CDH18: variants seen among roughly 807,000 people sequenced by gnomAD.
CDH18 encodes cadherin 18.
A neutral mutation model predicts 67.9 loss-of-function variants in CDH18; 31 were observed. That is an observed-to-expected ratio of 0.46 (90% CI 0.34 to 0.62). CDH18 has a LOEUF of 0.62. Among genes scored for constraint, CDH18 ranks in the 20% least tolerant of loss-of-function variants. CDH18 has a pLI of 0.01. For missense variants in CDH18, 890 were observed against 975.5 expected (o/e 0.91, Z 1.17); for synonymous variants, 362 against 347.2 (o/e 1.04, Z -0.48).
chr5:20,415,390 A>C (rs1033313657), intron 1 of CDH18, among the ~76,000 whole-genome samples: 1 of 152,034 alleles, frequency 6.6e-6, no homozygotes, highest in African/African-American at 2.4e-5. Context: ...AACCAGATGA[A>C]TGAAAAAAGA....
At chr5:20,379,701 T>G (rs533282206) in intron 1 of CDH18, among the ~76,000 whole-genome samples, 18 of 152,060 alleles carry the variant, frequency 1.2e-4, no homozygotes, top group Non-Finnish European at 2.1e-4. Flanking sequence ...AGGATTTTAT[T>G]TTGAAGGACA....
chr5:20,350,164 A>AT (rs1467990017), intron 1 of CDH18, among the ~76,000 whole-genome samples: 33 of 151,748 alleles, frequency 2.2e-4, no homozygotes, highest in African/African-American at 7.8e-4. Flanking sequence ...TTCTTACATT[A>AT]CAAAAAAATT....
At chr5:20,318,766 A>T (rs10045914) in intron 1 of CDH18, among the ~76,000 whole-genome samples, 123,681 of 152,094 alleles carry the variant, frequency 0.81, 50,594 homozygotes, top group African/African-American at 0.9. Context: ...TTCTTTTTTT[A>T]AAAAATTATA....
At chr5:20,007,715 G>C (rs1029165875) in intron 2 of CDH18, among the ~76,000 whole-genome samples, 1 of 145,140 alleles carries the variant, frequency 6.9e-6, no homozygotes, top group African/African-American at 2.7e-5. Flanking sequence ...GTGTGTGTGT[G>C]TCATAAGTCA....
chr5:20,418,082 AT>A, intron 1 of CDH18, among the ~76,000 whole-genome samples: 1 of 151,410 alleles, frequency 6.6e-6, no homozygotes, highest in East Asian at 1.9e-4. Flanking sequence ...TTTTATTTTT[AT>A]TTTTTGTTGA....
intron 5 of CDH18, among the ~76,000 whole-genome samples, chr5:19,685,065 T>C (rs1317557415): frequency 1.3e-5 from 2 of 152,192 alleles, no homozygotes; most frequent in African/African-American, 4.8e-5. Flanking sequence ...TAAGATCATG[T>C]GCTCCATAAC....
intron 2 of CDH18, among the ~76,000 whole-genome samples, chr5:20,128,351 CA>C: frequency 6.6e-6 from 1 of 152,040 alleles, no homozygotes; most frequent in Non-Finnish European, 1.5e-5. Flanking sequence ...CTCTGAGTTT[CA>C]AAGGAATTAT....
intron 3 of CDH18, among the ~76,000 whole-genome samples, chr5:19,827,086 A>G (rs1179402828): frequency 6.6e-6 from 1 of 152,152 alleles, no homozygotes. Context: ...TGTTATTGTA[A>G]TTTCAGACAA....
At chr5:20,430,218 G>A (rs1226879612) in intron 1 of CDH18, among the ~76,000 whole-genome samples, 1 of 152,116 alleles carries the variant, frequency 6.6e-6, no homozygotes, top group Non-Finnish European at 1.5e-5. Context: ...AGCGTACTAT[G>A]AAGAAAGCAT....
Position 19,969,121 on chromosome 5 carries a change from A to C in CDH18, c.-257+11939T>G, listed in dbSNP as rs1242929880. Reference sequence around the variant, plus strand: ...CTCACCATCACTGGCCATCAGAGAAATGCAAATCAAAACCACAATGAGATA... The same window carrying C: ...CTCACCATCACTGGCCATCAGAGAACTGCAAATCAAAACCACAATGAGATA... On this transcript the variant is annotated intron_variant, in intron 2 of 12. Coordinates refer to ENST00000382275, the MANE Select transcript of CDH18 (RefSeq NM_004934.5). Among the ~76,000 whole-genome samples the C allele has an allele frequency of 3.3e-4, 49 of 147,598 alleles. No homozygotes were observed. The South Asian group carries it at 9.8e-3, about 29-fold the overall frequency.
At chr5:20,457,443 G>GTCCT (rs1387411957) in intron 1 of CDH18, among the ~76,000 whole-genome samples, 3 of 152,120 alleles carry the variant, frequency 2.0e-5, no homozygotes, top group Non-Finnish European at 4.4e-5. Flanking sequence ...TACCGATGAT[G>GTCCT]TCCTCATTTT....
rs565901842 is a variant in CDH18, at chr5:19,507,569, G to T, written c.1513-4460C>A. 7.2e-5 allele frequency among the ~76,000 whole-genome samples: 11 copies of T among 152,236 alleles called. No homozygotes were observed. The East Asian group carries it at 1.9e-3, about 27-fold the overall frequency. ...GCATGTATACACCATGAAATACTATGCAGCCATAAAAAATGATGAGTTCAT... is the reference window on the plus strand; with the variant it reads ...GCATGTATACACCATGAAATACTATTCAGCCATAAAAAATGATGAGTTCAT... On this transcript the variant is annotated intron_variant, in intron 10 of 12. Coordinates refer to ENST00000382275, the MANE Select transcript of CDH18 (RefSeq NM_004934.5).
At chr5:19,754,644 T>C (rs1771289010) in intron 3 of CDH18, among the ~76,000 whole-genome samples, 1 of 152,112 alleles carries the variant, frequency 6.6e-6, no homozygotes, top group Admixed American at 6.6e-5. Context: ...ATTTAAACTA[T>C]ACCTTGGAAC....
At chr5:20,456,383 T>G (rs1403367454) in intron 1 of CDH18, among the ~76,000 whole-genome samples, 1 of 152,152 alleles carries the variant, frequency 6.6e-6, no homozygotes, top group East Asian at 1.9e-4. Context: ...TGCTGATTTA[T>G]TTATATAAAA....
At chr5:19,506,332 C>T (rs1744156608) in intron 10 of CDH18, among the ~76,000 whole-genome samples, 1 of 152,190 alleles carries the variant, frequency 6.6e-6, no homozygotes, top group East Asian at 1.9e-4. Flanking sequence ...GGCCATACTG[C>T]CCAAGGTAAT....
At chr5:19,940,214 T>C (rs1309579698) in intron 2 of CDH18, among the ~76,000 whole-genome samples, 1 of 151,478 alleles carries the variant, frequency 6.6e-6, no homozygotes, top group Non-Finnish European at 1.5e-5. Context: ...ACTGAGAATA[T>C]TAAAGATAAA....
intron 3 of CDH18, among the ~76,000 whole-genome samples, chr5:19,764,027 G>A (rs952213578): frequency 8.3e-5 from 12 of 144,302 alleles, no homozygotes; most frequent in African/African-American, 3.0e-4. Flanking sequence ...AATTAGCTGG[G>A]TGTGGTGGCA....
At chr5:19,846,341 T>G (rs1036528207) in intron 2 of CDH18, among the ~76,000 whole-genome samples, 1 of 152,134 alleles carries the variant, frequency 6.6e-6, no homozygotes, top group Admixed American at 6.6e-5. Context: ...ACAAATACAT[T>G]TTTATGTTGT....
At position 19,544,861 on chromosome 5, in the gene CDH18, AT is replaced by A. The variant is rs1445451617; in HGVS notation, c.1254-857del. Among the ~76,000 whole-genome samples the A allele has an allele frequency of 7.9e-5, 12 of 152,146 alleles. 1 individual carries two copies. Among genetic ancestry groups the A allele is most frequent in the Admixed American group, 5.9e-4 (9 of 15,266 alleles). ...AACCTAGCGTAGATCAATCTAGTAA[AT>A]GTGCAGATGCACGATGGAGTGCCCC... On this transcript the variant is annotated intron_variant, in intron 8 of 12. Transcript: ENST00000382275.
Sources: allele counts gnomAD v4.1 joint callset (sites outside exome capture counted in the v4.1 genomes callset), GRCh38; gene constraint gnomAD v4.1.1; transcripts MANE v1.5; gene names NCBI Gene and HGNC (gene_info 2026-07-23, HGNC 2026-07-21).